XPO1: variants seen among roughly 807,000 people sequenced by gnomAD.
XPO1 encodes the protein exportin 1, also known as exportin-1.
Under a neutral mutation model 133.3 loss-of-function variants are expected in XPO1, and 5 were observed. The ratio of observed to expected loss-of-function variants is 0.04; its 90% CI spans 0.02 to 0.08. The LOEUF is 0.08. Among genes scored for constraint, XPO1 ranks in the 10% least tolerant of loss-of-function variants. XPO1 has a pLI of 1.00. For synonymous variants in XPO1, 419 were observed against 408.2 expected, an observed-to-expected ratio of 1.03 and a Z score of -0.32; for missense variants, 506 against 1,267.5, an observed-to-expected ratio of 0.40 and a Z score of 9.12.
chr2:61,523,585 G>A (rs1698788233), intron 3 of XPO1, among the ~76,000 whole-genome samples: 1 of 152,176 alleles, frequency 6.6e-6, no homozygotes, highest in Admixed American at 6.5e-5. Context: ...AATTAGGGAA[G>A]AATCAGCTAT....
At chr2:61,522,074 A>G (rs549255579) in intron 4 of XPO1, among the ~76,000 whole-genome samples, 2 of 150,638 alleles carry the variant, frequency 1.3e-5, no homozygotes, top group Admixed American at 6.6e-5. Flanking sequence ...TTATTTATAT[A>G]TATGTTTTTT....
intron 17 of XPO1, 31 bp downstream of exon 17, chr2:61,490,610 GA>G (rs1291059448): frequency 6.2e-7 from 1 of 1,613,428 alleles, no homozygotes; most frequent in Non-Finnish European, 8.5e-7. Flanking sequence ...TAAATCCCAT[GA>G]AAACTTTTAA....
At chr2:61,537,495 G>C (rs1699405185) in intron 1 of XPO1, 67 bp downstream of exon 1, 1 of 147,208 alleles carries the variant, frequency 6.8e-6, no homozygotes, top group Non-Finnish European at 1.5e-5. Context: ...GCCCCACGCC[G>C]GCCTCCTCCC....
intron 12 of XPO1, 76 bp downstream of exon 12, chr2:61,493,818 G>T (rs1697111865): frequency 6.9e-7 from 1 of 1,450,792 alleles, no homozygotes; most frequent in East Asian, 2.3e-5. Context: ...TATTTACACA[G>T]ATTAGAAGTA....
At chr2:61,517,141 T>C (rs1188548710) in intron 4 of XPO1, among the ~76,000 whole-genome samples, 1 of 152,126 alleles carries the variant, frequency 6.6e-6, no homozygotes, top group Admixed American at 6.6e-5. Flanking sequence ...CCTCAGGTGA[T>C]CTGCCCACCT....
chr2:61,531,137 C>CA (rs1231847431), intron 2 of XPO1, among the ~76,000 whole-genome samples: 1 of 152,158 alleles, frequency 6.6e-6, no homozygotes, highest in African/African-American at 2.4e-5. Flanking sequence ...ATAAGACCCC[C>CA]AAGGAGGTGG....
At chr2:61,498,628 T>C (rs775587481) in intron 9 of XPO1, 45 bp downstream of exon 9, 1 of 1,606,186 alleles carries the variant, frequency 6.2e-7, no homozygotes, top group Non-Finnish European at 8.5e-7. Flanking sequence ...GAAAAGAATA[T>C]ATGTGGCTAT....
At chr2:61,503,085 G>A (rs1162724403) in intron 4 of XPO1, among the ~76,000 whole-genome samples, 1 of 150,580 alleles carries the variant, frequency 6.6e-6, no homozygotes, top group African/African-American at 2.4e-5. Flanking sequence ...CCTGCCTCAG[G>A]CTCCCGAGTA....
chr2:61,502,772 T>C (rs936186424), intron 4 of XPO1, among the ~76,000 whole-genome samples: 1 of 151,708 alleles, frequency 6.6e-6, no homozygotes, highest in African/African-American at 2.4e-5. Context: ...ATGAATTTAA[T>C]GTGCTATTCA....
intron 3 of XPO1, chr2:61,525,293 C>T: frequency 1.0e-6 from 1 of 985,812 alleles, no homozygotes; most frequent in Non-Finnish European, 1.2e-6. Context: ...GCCGTCAAAG[C>T]CTAGCTGTGT....
intron 4 of XPO1, among the ~76,000 whole-genome samples, chr2:61,511,584 T>C (rs1208764141): frequency 1.3e-5 from 2 of 152,192 alleles, no homozygotes; most frequent in Non-Finnish European, 2.9e-5. Context: ...GCTAGTTTTC[T>C]GTATTTTTAG....
chr2:61,511,181 T>G (rs968344980), intron 4 of XPO1, among the ~76,000 whole-genome samples: 1 of 152,226 alleles, frequency 6.6e-6, no homozygotes, highest in Non-Finnish European at 1.5e-5. Flanking sequence ...TGGAATGCAA[T>G]GGCGCAATCT....
rs949197325 is a variant in XPO1, at chr2:61,495,986, G to A, written c.889-373C>T. Among the ~76,000 whole-genome samples the A allele has an allele frequency of 2.6e-5, 4 of 152,078 alleles. No homozygotes were observed. The East Asian group carries it at 7.7e-4, about 29-fold the overall frequency. ...ACTCAGCCAACACTATTATTTTTAA[G>A]CCCTAATATCCCAACACCCTTTTGC... On this transcript the variant is annotated intron_variant, in intron 10 of 24. Coordinates refer to ENST00000401558, the MANE Select transcript of XPO1 (RefSeq NM_003400.4).
chr2:61,526,327 TAAC>T, intron 3 of XPO1, 90 bp downstream of exon 3: 3 of 1,474,234 alleles, frequency 2.0e-6, no homozygotes, highest in Non-Finnish European at 2.7e-6. Context: ...TAATTTGAGA[TAAC>T]AAATGCTAAT....
intron 12 of XPO1, chr2:61,493,561 TTAAG>T (rs1697097867): frequency 8.6e-6 from 2 of 231,478 alleles, no homozygotes; most frequent in East Asian, 1.0e-4. Context: ...TTATAATTAT[TTAAG>T]TGTGTTTTAA....
intron 4 of XPO1, among the ~76,000 whole-genome samples, chr2:61,515,312 A>T (rs1193975431): frequency 6.6e-6 from 1 of 152,248 alleles, no homozygotes; most frequent in Non-Finnish European, 1.5e-5. Flanking sequence ...TAAAGGAAAC[A>T]TGTTAAATAT....
rs368883063 is a variant in XPO1, at chr2:61,526,410, A to C, written c.228+10T>G. On this transcript the variant is annotated intron_variant, in intron 3 of 24. Transcript: ENST00000401558. ...AGAAATAACAGATTTTAAAACCACC[A>C]CTTGCTTACTTTCGTATTCATATTC... The C allele has an allele frequency of 6.2e-7, 1 of 1,601,710 alleles. No homozygotes were observed. Among genetic ancestry groups the C allele is most frequent in the Non-Finnish European group, 8.5e-7 (1 of 1,176,746 alleles).
intron 4 of XPO1, among the ~76,000 whole-genome samples, chr2:61,513,869 G>A (rs977352774): frequency 2.0e-5 from 3 of 152,074 alleles, no homozygotes; most frequent in African/African-American, 4.8e-5. Flanking sequence ...ATCTCAATAA[G>A]GGAATAGCCC....
chr2:61,525,212 C>T (rs1698865432), intron 3 of XPO1: 1 of 959,498 alleles, frequency 1.0e-6, no homozygotes, highest in African/African-American at 1.8e-5. Context: ...TCCCACCGCC[C>T]ATGAAACAAA....
Sources: gnomAD v4.1 joint callset for allele counts (sites outside exome capture counted in the v4.1 genomes callset) on GRCh38, gnomAD v4.1.1 for gene constraint, MANE v1.5 for transcripts, NCBI Gene and HGNC (gene_info 2026-07-23, HGNC 2026-07-21) for gene names.